Variants in WDR49 observed in about 807,000 individuals in gnomAD.
The protein encoded by WDR49 is WD repeat domain 49, also known as cilia- and flagella-associated protein 337.
In WDR49, 107 loss-of-function variants were observed where a neutral mutation model predicts 119.5. That is an observed-to-expected ratio of 0.90 (90% confidence interval 0.77 to 1.05). The LOEUF (loss-of-function observed/expected upper bound fraction) is 1.05, where lower values mean the gene tolerates loss of function less well. Among genes scored for constraint, WDR49 ranks in the 50% least tolerant of loss-of-function variants. The pLI is 0.00. For missense variants in WDR49, 1,240 were observed against 1,220.5 expected (o/e 1.02, Z -0.24); for synonymous variants, 425 against 418.8 (o/e 1.01, Z -0.18).
At chr3:167,541,332 C>T (rs367883707) in intron 10 of WDR49, among the ~76,000 whole-genome samples, 6 of 152,140 alleles carry the variant, frequency 3.9e-5, no homozygotes, top group African/African-American at 1.4e-4. Context: ...AGGAAAACCT[C>T]TCAGATTAAC....
At chr3:167,527,706 G>C in intron 15 of WDR49, 114 bp downstream of exon 15, 1 of 1,121,460 alleles carries the variant, frequency 8.9e-7, no homozygotes, top group Non-Finnish European at 1.2e-6. Context: ...AATGTTGTCA[G>C]TTCTTTCATG....
chr3:167,576,236 T>G, intron 7 of WDR49, 85 bp from the exon 8 acceptor site: 1 of 1,101,156 alleles, frequency 9.1e-7, no homozygotes, highest in Non-Finnish European at 1.3e-6. Context: ...TCACCCTCAA[T>G]ACCAGGCAGA....
chr3:167,558,867 G>C (rs1223977709), intron 9 of WDR49, among the ~76,000 whole-genome samples: 4 of 152,124 alleles, frequency 2.6e-5, no homozygotes, highest in Non-Finnish European at 2.9e-5. Flanking sequence ...ACTGGTAAGC[G>C]AGATACTGGC....
At chr3:167,611,413 G>A (rs1185385510) in intron 5 of WDR49, among the ~76,000 whole-genome samples, 1 of 152,102 alleles carries the variant, frequency 6.6e-6, no homozygotes, top group African/African-American at 2.4e-5. Context: ...ACATAAGGAG[G>A]AAAGAGAGAA....
chr3:167,598,130 C>G (rs967924988), intron 7 of WDR49, among the ~76,000 whole-genome samples: 1 of 151,820 alleles, frequency 6.6e-6, no homozygotes, highest in African/African-American at 2.4e-5. Flanking sequence ...CATGGTGAAC[C>G]CTGTCTTTAC....
intron 9 of WDR49, among the ~76,000 whole-genome samples, chr3:167,556,854 A>G (rs1712959461): frequency 6.6e-6 from 1 of 152,032 alleles, no homozygotes; most frequent in East Asian, 1.9e-4. Context: ...GTGAAACCCC[A>G]TCTCTACTAA....
intron 5 of WDR49, among the ~76,000 whole-genome samples, chr3:167,613,653 A>G (rs1290487534): frequency 6.6e-6 from 1 of 152,192 alleles, no homozygotes; most frequent in Non-Finnish European, 1.5e-5. Flanking sequence ...TAATTAGTGC[A>G]GCAATTAGCA....
rs1179395136 is a variant in WDR49 at position 167,626,960 on chromosome 3, GA to G, written c.497del (p.Ile166ThrfsTer6). The G allele has an allele frequency of 1.5e-6, 2 of 1,332,640 alleles. No homozygotes were observed. The highest frequency in any genetic ancestry group is 1.9e-6 in the Non-Finnish European group (2 of 1,042,852). The allele number at this position is 1,332,640 out of a possible 1,614,324, so 82.6% of individuals were successfully genotyped here. A position where few individuals can be genotyped will look rare whatever the true frequency, so the allele number is the denominator to read the frequency against. On this transcript the variant is annotated frameshift_variant, in exon 3 of 19. Coordinates refer to ENST00000682715, the MANE Select transcript of WDR49 (RefSeq NM_001366157.1). LOFTEE classifies it high-confidence loss of function. Reference protein sequence around the residue: ...LTISKEGLLAIWGEHLKLQET... With the variant: ...LTISKEGLLAXWGEHLKLQET... ...CTTGCAGCTTTAAATGCTCTCCCCA[GA>G]TTGCCAATAAACCTTCTTTACTAAT...
chr3:167,501,252 C>A (rs576623805), intron 17 of WDR49, among the ~76,000 whole-genome samples: 1 of 152,108 alleles, frequency 6.6e-6, no homozygotes, highest in Non-Finnish European at 1.5e-5. Context: ...TGTAAGGTAT[C>A]GTGCCATTAA....
chr3:167,643,651 T>A (rs559061222), intron 2 of WDR49, among the ~76,000 whole-genome samples: 1 of 152,092 alleles, frequency 6.6e-6, no homozygotes, highest in African/African-American at 2.4e-5. Flanking sequence ...TCTAGAAGGA[T>A]GCCTTTGTTC....
At chr3:167,499,737 C>T (rs565094217) in intron 18 of WDR49, among the ~76,000 whole-genome samples, 19 of 152,276 alleles carry the variant, frequency 1.2e-4, no homozygotes, top group South Asian at 2.1e-4. Context: ...TAAGACAATA[C>T]ATTTTAAGTC....
At chr3:167,551,536 A>T (rs1374266283) in intron 10 of WDR49, among the ~76,000 whole-genome samples, 1 of 151,982 alleles carries the variant, frequency 6.6e-6, no homozygotes, top group Non-Finnish European at 1.5e-5. Context: ...CCTACCCAGG[A>T]GTGGTAGAAA....
chr3:167,612,828 T>G (rs1475298519), intron 5 of WDR49, among the ~76,000 whole-genome samples: 1 of 152,112 alleles, frequency 6.6e-6, no homozygotes. Flanking sequence ...TGTTCTCACT[T>G]ATTTGTAGGA....
rs147197491 is a variant in WDR49 at position 167,527,962 on chromosome 3, C to A, written c.2462G>T (p.Arg821Ile). 344 of 1,613,200 alleles carry A rather than the reference C, an allele frequency of 2.1e-4. 4 individuals carry two copies. The Middle Eastern group carries it at 3.8e-3, about 18-fold the overall frequency. The change falls in exon 15 of 19, where the codon AGA (arginine) becomes ATA (isoleucine). Residue 821 changes from arginine to isoleucine, a missense_variant. Arg to Ile is a moderately conservative substitution (Grantham distance 97, BLOSUM62 -3). Transcript: ENST00000682715. ...TCGGTCCTCATGAGGTTGGAATGAT[C>A]TTATCAGAGTTGGGGCCTTGGTGAT... is the stretch of plus-strand genomic sequence containing the variant. ...NKITKAPTLI[R>I]SFQPHEDRIS...
intron 2 of WDR49, among the ~76,000 whole-genome samples, chr3:167,631,050 G>A (rs7627289): frequency 0.19 from 28,068 of 151,622 alleles, 2,825 homozygotes; most frequent in South Asian, 0.23. Context: ...TGGCACTAAA[G>A]AGATGTTAAA....
intron 10 of WDR49, among the ~76,000 whole-genome samples, chr3:167,541,138 A>T (rs1207593926): frequency 6.6e-6 from 1 of 152,214 alleles, no homozygotes; most frequent in African/African-American, 2.4e-5. Context: ...AGAAGGAATA[A>T]TTGAGGAAAA....
intron 10 of WDR49, among the ~76,000 whole-genome samples, chr3:167,547,227 T>C (rs1233398757): frequency 6.6e-6 from 1 of 151,892 alleles, no homozygotes; most frequent in Non-Finnish European, 1.5e-5. Flanking sequence ...ATATAAGTTT[T>C]ATTTTTGAGT....
intron 10 of WDR49, among the ~76,000 whole-genome samples, chr3:167,548,054 T>C (rs747428291): frequency 2.0e-5 from 3 of 152,036 alleles, no homozygotes; most frequent in Non-Finnish European, 4.4e-5. Flanking sequence ...ACAAGCCAAG[T>C]TGTTACCATT....
intron 7 of WDR49, among the ~76,000 whole-genome samples, chr3:167,582,981 C>T (rs922384958): frequency 1.3e-5 from 2 of 151,740 alleles, no homozygotes; most frequent in African/African-American, 4.8e-5. Context: ...CACACACACA[C>T]ACACACACAG....
Sources: allele counts gnomAD v4.1 joint callset (sites outside exome capture counted in the v4.1 genomes callset), GRCh38; gene constraint gnomAD v4.1.1; transcripts MANE v1.5; gene names NCBI Gene and HGNC (gene_info 2026-07-23, HGNC 2026-07-21).